Variants in MAPK8IP3 observed in about 807,000 individuals in gnomAD.
The protein encoded by MAPK8IP3 is mitogen-activated protein kinase 8 interacting protein 3, also known as C-Jun-amino-terminal kinase-interacting protein 3.
In MAPK8IP3, 49 loss-of-function variants were observed where a neutral mutation model predicts 157.8. The ratio of observed to expected loss-of-function variants is 0.31; its 90% CI spans 0.25 to 0.39. The LOEUF (loss-of-function observed/expected upper bound fraction) is 0.39. MAPK8IP3 is among the 10% of genes least tolerant of loss of function. The pLI is 1.00. For synonymous variants in MAPK8IP3, 897 were observed against 777.7 expected (o/e 1.15, Z -2.55); for missense variants, 1,478 against 1,889.4 (o/e 0.78, Z 4.04).
At chr16:1,765,378 G>A (rs1334241771) in intron 20 of MAPK8IP3, among the ~76,000 whole-genome samples, 200 bp downstream of exon 20, 1 of 152,186 alleles carries the variant, frequency 6.6e-6, no homozygotes, top group East Asian at 1.9e-4. Flanking sequence ...CGGCAGCCTC[G>A]GCCTCTTCTC....
chr16:1,729,299 C>T (rs1233855908), intron 3 of MAPK8IP3, 91 bp downstream of exon 3: 4 of 1,445,898 alleles, frequency 2.8e-6, no homozygotes, highest in East Asian at 4.6e-5. Flanking sequence ...GTTTTCTTCC[C>T]TGGCATGTCC....
chr16:1,739,807 CGT>C (rs2040518165), intron 4 of MAPK8IP3, among the ~76,000 whole-genome samples: 1 of 89,748 alleles, frequency 1.1e-5, no homozygotes, highest in Non-Finnish European at 2.1e-5. Context: ...TGTGACCATC[CGT>C]GTGAGCGTGT....
chr16:1,709,273 G>A (rs1285077213), intron 1 of MAPK8IP3, among the ~76,000 whole-genome samples: 3 of 152,214 alleles, frequency 2.0e-5, no homozygotes, highest in South Asian at 2.1e-4. Context: ...AGCTAGAGAG[G>A]GTGGGGTCTC....
chr16:1,760,621 C>A, intron 12 of MAPK8IP3, 89 bp downstream of exon 12: 1 of 1,487,734 alleles, frequency 6.7e-7, no homozygotes, highest in Non-Finnish European at 9.0e-7. Flanking sequence ...TGCTCTCCAG[C>A]CTGAGCGGCT....
chr16:1,745,755 T>C (rs1263107560), intron 5 of MAPK8IP3: 1 of 152,270 alleles, frequency 6.6e-6, no homozygotes, highest in African/African-American at 2.4e-5. Flanking sequence ...GAATAGCTAC[T>C]ATAGAGGAAG....
At chr16:1,760,086 G>A in intron 11 of MAPK8IP3, 71 bp downstream of exon 11, 22 of 1,556,406 alleles carry the variant, frequency 1.4e-5, no homozygotes, top group Non-Finnish European at 1.9e-5. Flanking sequence ...GAGTGAGCCG[G>A]GCCAGAGGGC....
intron 8 of MAPK8IP3, chr16:1,748,925 A>C (rs779845449): frequency 1.4e-6 from 1 of 711,858 alleles, no homozygotes; most frequent in East Asian, 2.7e-5. Context: ...CAAGGATGCC[A>C]AAATCTGAGG....
chr16:1,748,752 C>T, intron 8 of MAPK8IP3, 32 bp downstream of exon 8: 1 of 1,546,438 alleles, frequency 6.5e-7, no homozygotes. Context: ...CACCGCTGTG[C>T]CTGCACAATG....
chr16:1,753,079 G>C (rs568114894), intron 8 of MAPK8IP3, among the ~76,000 whole-genome samples: 1 of 152,212 alleles, frequency 6.6e-6, no homozygotes, highest in African/African-American at 2.4e-5. Flanking sequence ...AGCTTTGCAC[G>C]TGACGGGAGG....
At chr16:1,749,986 A>G (rs1220244604) in intron 8 of MAPK8IP3, among the ~76,000 whole-genome samples, 1 of 152,156 alleles carries the variant, frequency 6.6e-6, no homozygotes, top group East Asian at 1.9e-4. Flanking sequence ...TGTTGGACAC[A>G]CTGTACTTGG....
intron 8 of MAPK8IP3, among the ~76,000 whole-genome samples, chr16:1,757,167 G>C (rs186410001): frequency 6.6e-6 from 1 of 151,908 alleles, no homozygotes; most frequent in South Asian, 2.1e-4. Flanking sequence ...GTGCAGTGGC[G>C]TGATCTCAGC....
intron 1 of MAPK8IP3, among the ~76,000 whole-genome samples, chr16:1,716,384 G>T (rs2038153619): frequency 2.1e-5 from 3 of 145,258 alleles, no homozygotes. Context: ...TGCAACCTCT[G>T]CCTCCTGAGT....
At chr16:1,732,038 G>A (rs1010531663) in intron 4 of MAPK8IP3, among the ~76,000 whole-genome samples, 3 of 152,196 alleles carry the variant, frequency 2.0e-5, no homozygotes, top group African/African-American at 7.2e-5. Context: ...CTTTGAATCA[G>A]GAGAAAGCCG....
At chr16:1,738,130 G>A (rs1277644797) in intron 4 of MAPK8IP3, among the ~76,000 whole-genome samples, 2 of 91,618 alleles carry the variant, frequency 2.2e-5, no homozygotes, top group Non-Finnish European at 4.2e-5. Context: ...GAGCGTGACT[G>A]TCCGTGTGTG....
Position 1,758,976 on chromosome 16 carries a change from A to G in MAPK8IP3, c.1229-2A>G. 1 of 1,613,834 alleles carries G rather than the reference A, an allele frequency of 6.2e-7. No homozygotes were observed. The highest frequency in any genetic ancestry group is 2.2e-5 in the East Asian group (1 of 44,860). On this transcript the variant is annotated splice_acceptor_variant, in intron 9 of 31. Transcript: ENST00000610761. LOFTEE classifies it high-confidence loss of function. Reference sequence around the variant, plus strand: ...TCCTGTGGGACGGGGACGGCTCCCTAGTGCGCGATGATTTCTTTGGTAAGG... The same window carrying G: ...TCCTGTGGGACGGGGACGGCTCCCTGGTGCGCGATGATTTCTTTGGTAAGG...
Position 1,766,645 on chromosome 16 carries a change from G to C in MAPK8IP3, c.2936G>C (p.Gly979Ala). ...ACCATGTGGCTGGGAGCCCAGAACG[G>C]CTGGTAGGAAGGGCCCGGGGCAAGG... is the stretch of plus-strand genomic sequence containing the variant. ...APTMWLGAQN[G>A]WLYVHSAVAN... The change falls in exon 23 of 32, where the codon GGC (glycine) becomes GCC (alanine). Residue 979 changes from glycine to alanine, a missense_variant. Transcript: ENST00000610761. 2 of 1,612,384 alleles carry C rather than the reference G, an allele frequency of 1.2e-6. No homozygotes were observed. Among genetic ancestry groups the C allele is most frequent in the Non-Finnish European group, 1.7e-6 (2 of 1,179,810 alleles).
At chr16:1,753,096 C>T (rs1297879084) in intron 8 of MAPK8IP3, among the ~76,000 whole-genome samples, 1 of 152,216 alleles carries the variant, frequency 6.6e-6, no homozygotes, top group Non-Finnish European at 1.5e-5. Flanking sequence ...GAGGGTGCTT[C>T]TGCCAAAAGT....
At chr16:1,737,127 CGT>C (rs1184898888) in intron 4 of MAPK8IP3, among the ~76,000 whole-genome samples, 2 of 66,082 alleles carry the variant, frequency 3.0e-5, no homozygotes, top group African/African-American at 6.1e-5. Flanking sequence ...TGTGACCGTC[CGT>C]GTGAGCATGT....
chr16:1,738,161 TGTGTGACCGTCC>T (rs1317213985), intron 4 of MAPK8IP3, among the ~76,000 whole-genome samples: 1 of 75,862 alleles, frequency 1.3e-5, no homozygotes, highest in African/African-American at 6.0e-5. Context: ...TGTGAGCATC[TGTGTGACCGTCC>T]GTGTGAGCGT....
Sources: allele counts gnomAD v4.1 joint callset (sites outside exome capture counted in the v4.1 genomes callset), GRCh38; gene constraint gnomAD v4.1.1; transcripts MANE v1.5; gene names NCBI Gene and HGNC (gene_info 2026-07-23, HGNC 2026-07-21).